TNIK: variants seen among roughly 807,000 people sequenced by gnomAD.
The protein encoded by TNIK is TRAF2 and NCK interacting kinase, also known as TRAF2 and NCK-interacting protein kinase.
Under a neutral mutation model 191.3 loss-of-function variants are expected in TNIK, and 49 were observed. The observed-to-expected ratio is 0.26, with a 90% CI of 0.20 to 0.32. The LOEUF (loss-of-function observed/expected upper bound fraction) is 0.32, where lower values mean the gene tolerates loss of function less well. Among genes scored for constraint, TNIK ranks in the 10% least tolerant of loss-of-function variants. The pLI is 1.00. For missense variants in TNIK, 1,155 were observed against 1,702.3 expected (o/e 0.68, Z 5.66); for synonymous variants, 594 against 600.9 (o/e 0.99, Z 0.17).
chr3:171,199,201 G>A (rs1739092449), intron 4 of TNIK, among the ~76,000 whole-genome samples: 1 of 148,494 alleles, frequency 6.7e-6, no homozygotes, highest in Admixed American at 6.8e-5. Flanking sequence ...TATATAATGG[G>A]ATTTAAAAAA....
At chr3:171,324,816 G>C (rs755380457) in intron 2 of TNIK, among the ~76,000 whole-genome samples, 52 of 152,212 alleles carry the variant, frequency 3.4e-4, no homozygotes, top group Non-Finnish European at 7.1e-4. Flanking sequence ...GAAGAACTCA[G>C]GGCCGGGCGC....
chr3:171,104,349 T>A (rs1210647712), intron 21 of TNIK, among the ~76,000 whole-genome samples: 2 of 151,976 alleles, frequency 1.3e-5, no homozygotes, highest in Admixed American at 6.6e-5. Flanking sequence ...ACAATACAAA[T>A]TTTCTCCATA....
Position 171,460,304 on chromosome 3 carries a change from C to A in TNIK, c.-241G>T, listed in dbSNP as rs556493433. ...AGCCCCGAGCAGCGGTGCGTGTGGGCTGAGCGCCCCGATCGGCTAAGGGCG... is the reference window on the plus strand; with the variant it reads ...AGCCCCGAGCAGCGGTGCGTGTGGGATGAGCGCCCCGATCGGCTAAGGGCG... On this transcript the variant is annotated 5_prime_UTR_variant, in exon 1 of 33. Coordinates refer to ENST00000436636, the MANE Select transcript of TNIK (RefSeq NM_015028.4). The surrounding 1 kb of genome is among the most constrained non-coding windows in gnomAD (Gnocchi z 6.8). The A allele has an allele frequency of 1.5e-5, 9 of 584,340 alleles. No homozygotes were observed. The East Asian group carries it at 2.6e-4, about 17-fold the overall frequency. The allele number at this position is 584,340 out of a possible 1,614,324, so 36.2% of individuals were successfully genotyped here.
intron 12 of TNIK, among the ~76,000 whole-genome samples, chr3:171,151,101 G>A (rs977334511): frequency 2.0e-5 from 3 of 152,212 alleles, no homozygotes; most frequent in Non-Finnish European, 4.4e-5. Flanking sequence ...ATCATGAAAA[G>A]TAAATATTAT....
intron 2 of TNIK, among the ~76,000 whole-genome samples, chr3:171,278,493 A>C (rs1750039258): frequency 6.6e-6 from 1 of 152,214 alleles, no homozygotes; most frequent in Non-Finnish European, 1.5e-5. Context: ...AAAGATAAAA[A>C]AAATTTAAAA....
intron 1 of TNIK, among the ~76,000 whole-genome samples, chr3:171,385,537 A>G (rs7648258): frequency 0.016 from 2,508 of 152,238 alleles, 65 homozygotes; most frequent in African/African-American, 0.056. Flanking sequence ...CATAACATAA[A>G]TGCAAAGAGA....
At chr3:171,177,177 T>G (rs1736067441) in intron 8 of TNIK, 149 bp downstream of exon 8, 2 of 628,620 alleles carry the variant, frequency 3.2e-6, no homozygotes, top group Non-Finnish European at 5.0e-6. Flanking sequence ...CTGGTTGATT[T>G]AAGATGACTC....
chr3:171,262,989 T>A (rs1021657270), intron 2 of TNIK, among the ~76,000 whole-genome samples: 7 of 152,158 alleles, frequency 4.6e-5, no homozygotes, highest in Admixed American at 3.3e-4. Flanking sequence ...CTGGACATTA[T>A]CATGCCTGTA....
intron 4 of TNIK, among the ~76,000 whole-genome samples, chr3:171,200,872 A>G (rs929486669): frequency 2.6e-5 from 4 of 152,172 alleles, no homozygotes; most frequent in East Asian, 1.9e-4. Context: ...ACGAACTCTT[A>G]GGATGTTATT....
At chr3:171,346,001 G>C (rs1044973915) in intron 2 of TNIK, among the ~76,000 whole-genome samples, 5 of 152,074 alleles carry the variant, frequency 3.3e-5, no homozygotes, top group Admixed American at 3.3e-4. Flanking sequence ...ATTAAACATG[G>C]TAAGGGGAAC....
chr3:171,094,383 G>A (rs958360068), intron 22 of TNIK, among the ~76,000 whole-genome samples: 3 of 152,044 alleles, frequency 2.0e-5, no homozygotes, highest in Non-Finnish European at 2.9e-5. Flanking sequence ...TGATTTGCCC[G>A]TCTTGGCCTC....
chr3:171,280,208 C>T (rs141136791), intron 2 of TNIK, among the ~76,000 whole-genome samples: 14 of 152,296 alleles, frequency 9.2e-5, no homozygotes, highest in East Asian at 1.9e-4. Context: ...CTTGGCATGG[C>T]CTTAACCCTT....
At chr3:171,236,093 A>G (rs1282358714) in intron 2 of TNIK, among the ~76,000 whole-genome samples, 2 of 152,172 alleles carry the variant, frequency 1.3e-5, no homozygotes, top group Non-Finnish European at 2.9e-5. Flanking sequence ...ACTCCACCTT[A>G]AACCTGTTTA....
chr3:171,347,338 G>T, intron 2 of TNIK: 1 of 1,039,930 alleles, frequency 9.6e-7, no homozygotes, highest in Non-Finnish European at 1.4e-6. Context: ...CTAGATGCCT[G>T]GTATACAAGT....
intron 1 of TNIK, among the ~76,000 whole-genome samples, chr3:171,383,129 T>C (rs1449372549): frequency 1.3e-5 from 2 of 152,182 alleles, no homozygotes; most frequent in Non-Finnish European, 2.9e-5. Context: ...GTCTCCCATG[T>C]GCAATATCTG....
chr3:171,379,146 A>G (rs1050723074), intron 1 of TNIK, among the ~76,000 whole-genome samples: 2 of 152,236 alleles, frequency 1.3e-5, no homozygotes, highest in African/African-American at 2.4e-5. Context: ...ACATGCATAT[A>G]TATCAGCATA....
At chr3:171,233,320 C>T (rs1287233615) in intron 2 of TNIK, among the ~76,000 whole-genome samples, 1 of 151,534 alleles carries the variant, frequency 6.6e-6, no homozygotes, top group Non-Finnish European at 1.5e-5. Context: ...TTTCAAAACA[C>T]GCATCACCAG....
intron 5 of TNIK, among the ~76,000 whole-genome samples, chr3:171,193,716 G>T (rs1475036374): frequency 4.6e-5 from 7 of 152,176 alleles, no homozygotes; most frequent in Admixed American, 1.3e-4. Context: ...TTTAACTTTT[G>T]TTGCCTTAAA....
chr3:171,187,177 A>G (rs993302087), intron 7 of TNIK, among the ~76,000 whole-genome samples: 1 of 152,190 alleles, frequency 6.6e-6, no homozygotes, highest in African/African-American at 2.4e-5. Flanking sequence ...TGGTTTGAAG[A>G]ATTGCTTGTA....
Sources: gnomAD v4.1 joint callset for allele counts (sites outside exome capture counted in the v4.1 genomes callset) on GRCh38, gnomAD v4.1.1 for gene constraint, Gnocchi (gnomAD v3.1) non-coding constraint, MANE v1.5 for transcripts, NCBI Gene and HGNC (gene_info 2026-07-23, HGNC 2026-07-21) for gene names.